The following PRICKLE1 variants were observed in gnomAD, a reference collection of about 807,000 sequenced individuals.
PRICKLE1 encodes prickle planar cell polarity protein 1, also known as prickle-like protein 1.
A neutral mutation model predicts 70.2 loss-of-function variants in PRICKLE1; 14 were observed. The ratio of observed to expected loss-of-function variants is 0.20; its 90% CI spans 0.13 to 0.31. The LOEUF (loss-of-function observed/expected upper bound fraction) is 0.31, where lower values mean the gene tolerates loss of function less well. PRICKLE1 is among the 10% of genes least tolerant of loss of function. PRICKLE1 has a pLI of 1.00. For synonymous variants in PRICKLE1, 357 were observed against 379.9 expected, an observed-to-expected ratio of 0.94 and a Z score of 0.70; for missense variants, 821 against 1,026.2, an observed-to-expected ratio of 0.80 and a Z score of 2.73.
intron 1 of PRICKLE1, among the ~76,000 whole-genome samples, chr12:42,501,795 C>T (rs1249907204): frequency 6.6e-6 from 1 of 151,996 alleles, no homozygotes; most frequent in Non-Finnish European, 1.5e-5. Flanking sequence ...TATTTGGGAT[C>T]CTTGAAACAT....
At chr12:42,474,821 G>A (rs1472132724) in intron 1 of PRICKLE1, among the ~76,000 whole-genome samples, 1 of 152,004 alleles carries the variant, frequency 6.6e-6, no homozygotes, top group Admixed American at 6.6e-5. Context: ...GGCTAAGCAG[G>A]GAGACACTAA....
chr12:42,544,911 A>G (rs1169367802), intron 1 of PRICKLE1, among the ~76,000 whole-genome samples: 1 of 152,112 alleles, frequency 6.6e-6, no homozygotes, highest in Non-Finnish European at 1.5e-5. Context: ...CTGTTATCAC[A>G]TATGAGGATT....
intron 6 of PRICKLE1, 160 bp downstream of exon 6, chr12:42,466,034 T>C (rs1434603291): frequency 2.6e-6 from 2 of 774,520 alleles, no homozygotes; most frequent in Admixed American, 4.4e-5. Flanking sequence ...CTCTGTTCAT[T>C]TGTCAAAGCT....
intron 1 of PRICKLE1, among the ~76,000 whole-genome samples, chr12:42,484,752 G>A (rs1938940688): frequency 6.6e-6 from 1 of 152,126 alleles, no homozygotes; most frequent in Admixed American, 6.5e-5. Flanking sequence ...GAGAGAAAGT[G>A]GAGTTTGGCT....
intron 1 of PRICKLE1, among the ~76,000 whole-genome samples, chr12:42,577,664 A>G (rs1940825646): frequency 6.6e-6 from 1 of 152,184 alleles, no homozygotes; most frequent in Non-Finnish European, 1.5e-5. Context: ...TCACTTTACA[A>G]CTGAGGAAAC....
chr12:42,458,780 C>T lies in PRICKLE1; in HGVS notation c.*1029G>A, dbSNP rs1351361190. On this transcript the variant is annotated 3_prime_UTR_variant, in exon 8 of 8. Transcript: ENST00000345127. ...ACCCCCCGCAGGCAGGGGGAAAAAA[C>T]CCACTCGCTGAAACAGCTTCTACTT... is the stretch of plus-strand genomic sequence containing the variant. 1 of 152,254 alleles carries T rather than the reference C, an allele frequency of 6.6e-6. No homozygotes were observed. The highest frequency in any genetic ancestry group is 1.5e-5 in the Non-Finnish European group (1 of 68,092). The allele number at this position is 152,254 out of a possible 1,614,324, so 9.4% of individuals were successfully genotyped here.
At chr12:42,544,241 T>C (rs191963224) in intron 1 of PRICKLE1, among the ~76,000 whole-genome samples, 2 of 152,366 alleles carry the variant, frequency 1.3e-5, no homozygotes, top group African/African-American at 2.4e-5. Context: ...CACTTGATTA[T>C]GTTGGTCAGC....
intron 1 of PRICKLE1, among the ~76,000 whole-genome samples, chr12:42,547,424 G>T (rs76545674): frequency 6.6e-5 from 10 of 152,146 alleles, no homozygotes; most frequent in Non-Finnish European, 1.3e-4. Context: ...GATGTACAAA[G>T]GCCAGCAGCA....
chr12:42,585,118 A>T (rs1003685830), intron 1 of PRICKLE1, among the ~76,000 whole-genome samples: 2 of 152,184 alleles, frequency 1.3e-5, no homozygotes, highest in Non-Finnish European at 2.9e-5. Context: ...AGTGAGAAAA[A>T]TGCAACTGCT....
intron 1 of PRICKLE1, among the ~76,000 whole-genome samples, chr12:42,553,017 C>T (rs1027423238): frequency 3.3e-5 from 5 of 152,206 alleles, no homozygotes; most frequent in African/African-American, 1.2e-4. Flanking sequence ...TGCTCGCTGG[C>T]CGGCGGCTCA....
chr12:42,532,889 C>T (rs1425802198), intron 1 of PRICKLE1, among the ~76,000 whole-genome samples: 1 of 86,084 alleles, frequency 1.2e-5, no homozygotes, highest in Non-Finnish European at 2.5e-5. Flanking sequence ...AGTGAGACTC[C>T]GTCTCAAAAA....
intron 7 of PRICKLE1, among the ~76,000 whole-genome samples, chr12:42,460,943 G>A (rs1342703963): frequency 2.0e-5 from 3 of 152,030 alleles, no homozygotes; most frequent in Non-Finnish European, 1.5e-5. Flanking sequence ...GTGCAATGGC[G>A]CTATCTCGGC....
rs546320252 is a variant in PRICKLE1, at chr12:42,556,489, T to C, written c.-49+32976A>G. Among the ~76,000 whole-genome samples the C allele has an allele frequency of 7.9e-5, 12 of 152,318 alleles. No individual in the cohort carries two copies. In the East Asian group the frequency reaches 1.3e-3, roughly 17 times the overall value. On this transcript the variant is annotated intron_variant, in intron 1 of 7. Transcript: ENST00000345127. ...TCCTCACTTTATAGAGGAGCTTCAC[T>C]GATTTGCTGGAGATCATGCAGCTAC...
intron 1 of PRICKLE1, among the ~76,000 whole-genome samples, chr12:42,502,433 A>T (rs1462958924): frequency 6.6e-6 from 1 of 151,796 alleles, no homozygotes. Flanking sequence ...TCAGCCTCCC[A>T]AGTGGCTGGG....
In PRICKLE1 at chr12:42,468,705, T is replaced by C. The variant is rs771717707; in HGVS notation, c.509A>G (p.Tyr170Cys). 7 of 1,614,092 alleles carry C rather than the reference T, an allele frequency of 4.3e-6. No individual in the cohort carries two copies. Among genetic ancestry groups the C allele is most frequent in the South Asian group, 1.1e-5 (1 of 91,082 alleles). ...TCNELLVDLI[Y>C]FYQDGKIHCG... ...GTGAATTTTTCCATCCTGATAAAAA[T>C]AGATGAGGTCGACCAGCAGCTCATT... Residue 170 changes from tyrosine (Y) to cysteine (C), a missense_variant, in exon 5 of 8, where the codon TAT becomes TGT. Physicochemically the swap from Tyr to Cys is radical, Grantham distance 194. Transcript: ENST00000345127.
intron 1 of PRICKLE1, among the ~76,000 whole-genome samples, chr12:42,574,532 ATCACACACCAGACT>A: frequency 6.6e-6 from 1 of 152,242 alleles, no homozygotes; most frequent in South Asian, 2.1e-4. Flanking sequence ...CAAAATATTT[ATCACACACCAGACT>A]GCCTGAAAAC....
intron 1 of PRICKLE1, among the ~76,000 whole-genome samples, chr12:42,495,458 A>G (rs913502052): frequency 6.6e-6 from 1 of 151,494 alleles, no homozygotes; most frequent in African/African-American, 2.4e-5. Flanking sequence ...GCTGGTCTCA[A>G]ACTCCTGGCC....
intron 1 of PRICKLE1, among the ~76,000 whole-genome samples, chr12:42,574,416 T>C (rs1225770219): frequency 1.3e-5 from 2 of 152,246 alleles, no homozygotes; most frequent in African/African-American, 4.8e-5. Flanking sequence ...TGAACCCCAC[T>C]GTCTGTGGAC....
At chr12:42,558,320 A>G (rs959562624) in intron 1 of PRICKLE1, among the ~76,000 whole-genome samples, 3 of 152,256 alleles carry the variant, frequency 2.0e-5, no homozygotes, top group Non-Finnish European at 4.4e-5. Flanking sequence ...CTCTTTGTCC[A>G]TTATTACCAT....
Sources: allele counts gnomAD v4.1 joint callset (sites outside exome capture counted in the v4.1 genomes callset), GRCh38; gene constraint gnomAD v4.1.1; transcripts MANE v1.5; gene names NCBI Gene and HGNC (gene_info 2026-07-23, HGNC 2026-07-21).